The following NSMCE2 variants were observed in gnomAD, a reference collection of about 807,000 sequenced individuals.
NSMCE2 encodes NSE2 SUMO ligase component of SMC5/6 complex.
A neutral mutation model predicts 23.8 loss-of-function variants in NSMCE2; 24 were observed. The ratio of observed to expected loss-of-function variants is 1.01; its 90% CI spans 0.73 to 1.42. The LOEUF is 1.42. NSMCE2 is among the 40% of genes most tolerant of loss of function. The pLI is 0.00. For missense variants in NSMCE2, 284 were observed against 296.5 expected, an observed-to-expected ratio of 0.96 and a Z score of 0.31; for synonymous variants, 92 against 94.1, an observed-to-expected ratio of 0.98 and a Z score of 0.13.
intron 4 of NSMCE2, among the ~76,000 whole-genome samples, chr8:125,168,366 A>G (rs1822003332): frequency 6.6e-6 from 1 of 152,222 alleles, no homozygotes; most frequent in Non-Finnish European, 1.5e-5. Flanking sequence ...AAGACTGTCT[A>G]GAGTCTTTTC....
chr8:125,357,077 G>A, intron 5 of NSMCE2, 142 bp from the exon 6 acceptor site: 1 of 615,510 alleles, frequency 1.6e-6, no homozygotes, highest in Non-Finnish European at 2.9e-6. Flanking sequence ...CTGAAAAGCA[G>A]AAGAGTTTCT....
chr8:125,149,530 A>G (rs1300265365), intron 3 of NSMCE2, among the ~76,000 whole-genome samples: 1 of 152,306 alleles, frequency 6.6e-6, no homozygotes, highest in East Asian at 1.9e-4. Flanking sequence ...GTTATCTTAA[A>G]TTCAAAGTTT....
At chr8:125,145,178 A>T (rs1820606086) in intron 3 of NSMCE2, among the ~76,000 whole-genome samples, 1 of 152,184 alleles carries the variant, frequency 6.6e-6, no homozygotes, top group Admixed American at 6.5e-5. Context: ...TCTTTAAAGG[A>T]TGGATTTAAT....
At chr8:125,282,837 G>A (rs953492022) in intron 5 of NSMCE2, among the ~76,000 whole-genome samples, 1 of 152,226 alleles carries the variant, frequency 6.6e-6, no homozygotes, top group Non-Finnish European at 1.5e-5. Context: ...GTAACACAGT[G>A]TACAGCCCTA....
At chr8:125,295,604 G>A (rs111389551) in intron 5 of NSMCE2, among the ~76,000 whole-genome samples, 6 of 152,090 alleles carry the variant, frequency 3.9e-5, no homozygotes, top group African/African-American at 7.2e-5. Flanking sequence ...AGGGACAAAG[G>A]GGGTAAAGAA....
At chr8:125,289,592 A>G (rs1187864214) in intron 5 of NSMCE2, among the ~76,000 whole-genome samples, 1 of 152,222 alleles carries the variant, frequency 6.6e-6, no homozygotes, top group Non-Finnish European at 1.5e-5. Context: ...ACAGAGACCA[A>G]GTCGTGCTCC....
chr8:125,259,945 C>T lies in NSMCE2; in HGVS notation c.418+77689C>T, dbSNP rs146231031. Among the ~76,000 whole-genome samples, 1,082 of 152,262 alleles carry T rather than the reference C, an allele frequency of 7.1e-3. 10 individuals are homozygous for T. The highest frequency in any genetic ancestry group is 0.025 in the African/African-American group (1,043 of 41,564). On this transcript the variant is annotated intron_variant, in intron 5 of 7. Transcript: ENST00000287437. The stretch of plus-strand genomic sequence containing the variant: ...TTGGAGCTGGAAACTGCATTGGGCT[C>T]ATGTAATCCAACCTCTTCTCTTATA...
At position 125,151,181 on chromosome 8, in the gene NSMCE2, T is replaced by A; in HGVS notation, c.168T>A (p.Ser56Arg). The change falls in exon 4 of 8, where the codon AGT becomes AGA. Residue 56 changes from serine (S) to arginine (R), a missense_variant. This residue lies in a region of NSMCE2 where 182 missense variants were observed against 155.5 expected (regional missense o/e 1.17). Coordinates refer to ENST00000287437, the MANE Select transcript of NSMCE2 (RefSeq NM_173685.4). The part of the protein sequence containing the change: ...LDLVESQTEV[S>R]SEYSMDKAMV... Reference sequence around the variant, plus strand: ...TTTTTTTTCTTTCAGCTGAAGTGAGTAGTGAATATAGTATGGACAAGGCAA... The same window carrying A: ...TTTTTTTTCTTTCAGCTGAAGTGAGAAGTGAATATAGTATGGACAAGGCAA... The A allele has an allele frequency of 6.3e-7, 1 of 1,581,664 alleles. No individual in the cohort carries two copies. Among genetic ancestry groups the A allele is most frequent in the Non-Finnish European group, 8.7e-7 (1 of 1,153,644 alleles).
At chr8:125,233,267 T>C (rs1825407220) in intron 5 of NSMCE2, among the ~76,000 whole-genome samples, 1 of 152,212 alleles carries the variant, frequency 6.6e-6, no homozygotes, top group African/African-American at 2.4e-5. Context: ...GAAGTCAAAA[T>C]CCACTTAGAA....
intron 5 of NSMCE2, among the ~76,000 whole-genome samples, chr8:125,331,317 A>C (rs895128694): frequency 7.9e-5 from 12 of 152,124 alleles, no homozygotes; most frequent in African/African-American, 2.9e-4. Context: ...AAAAAATAAT[A>C]ATAGTAATAA....
intron 3 of NSMCE2, among the ~76,000 whole-genome samples, chr8:125,134,354 A>G (rs1350512892): frequency 6.6e-6 from 1 of 152,222 alleles, no homozygotes; most frequent in Non-Finnish European, 1.5e-5. Context: ...TATTATGGCA[A>G]GTCTGAAAAT....
intron 1 of NSMCE2, among the ~76,000 whole-genome samples, chr8:125,093,464 G>A (rs538170399): frequency 6.6e-5 from 10 of 152,250 alleles, no homozygotes; most frequent in South Asian, 2.1e-4. Flanking sequence ...CAAGGCGGGC[G>A]GATCACTTGA....
At chr8:125,252,655 A>G (rs1826246770) in intron 5 of NSMCE2, among the ~76,000 whole-genome samples, 1 of 152,282 alleles carries the variant, frequency 6.6e-6, no homozygotes, top group African/African-American at 2.4e-5. Context: ...AATTAGTAGT[A>G]CATAAATGGG....
chr8:125,266,092 C>G (rs868346547), intron 5 of NSMCE2, among the ~76,000 whole-genome samples: 2 of 132,416 alleles, frequency 1.5e-5, no homozygotes, highest in African/African-American at 5.6e-5. Context: ...CAAATTTTTT[C>G]TTTTTTTTTT....
At chr8:125,346,545 C>T (rs989637496) in intron 5 of NSMCE2, among the ~76,000 whole-genome samples, 2 of 152,208 alleles carry the variant, frequency 1.3e-5, no homozygotes, top group Non-Finnish European at 2.9e-5. Flanking sequence ...GCTGGCTAAT[C>T]AGACTTTCCC....
intron 3 of NSMCE2, among the ~76,000 whole-genome samples, chr8:125,117,245 A>G (rs1303682393): frequency 6.7e-6 from 1 of 150,174 alleles, no homozygotes; most frequent in Non-Finnish European, 1.5e-5. Context: ...TCTTTGAGAC[A>G]GAGTCTTGCT....
intron 5 of NSMCE2, among the ~76,000 whole-genome samples, chr8:125,246,663 A>G (rs1484666451): frequency 1.3e-5 from 2 of 152,172 alleles, no homozygotes; most frequent in East Asian, 3.8e-4. Context: ...TATCTAATCT[A>G]TTTCAAAGCA....
At chr8:125,121,681 A>C (rs1213132642) in intron 3 of NSMCE2, among the ~76,000 whole-genome samples, 1 of 152,172 alleles carries the variant, frequency 6.6e-6, no homozygotes, top group Non-Finnish European at 1.5e-5. Context: ...CTCTAATTTA[A>C]TAGGCAACTT....
intron 5 of NSMCE2, among the ~76,000 whole-genome samples, chr8:125,266,501 G>A (rs1826924957): frequency 1.3e-5 from 2 of 152,214 alleles, no homozygotes; most frequent in Admixed American, 6.5e-5. Context: ...TCTGGTGGGG[G>A]AAGTGCATCA....
Sources: gnomAD v4.1 joint callset for allele counts (sites outside exome capture counted in the v4.1 genomes callset) on GRCh38, gnomAD v4.1.1 for gene constraint, gnomAD v4.1.1 regional missense constraint, MANE v1.5 for transcripts, NCBI Gene and HGNC (gene_info 2026-07-23, HGNC 2026-07-21) for gene names.